Variants in FANCD2 observed in about 807,000 individuals in gnomAD.
The protein encoded by FANCD2 is FA complementation group D2, also known as Fanconi anemia group D2 protein.
In FANCD2, 131 loss-of-function variants were observed where a neutral mutation model predicts 192.3. The ratio of observed to expected loss-of-function variants is 0.68; its 90% CI spans 0.59 to 0.79. The LOEUF (loss-of-function observed/expected upper bound fraction) is 0.79, where lower values mean the gene tolerates loss of function less well. Ranked by LOEUF, FANCD2 falls within the 30% of genes least tolerant of loss-of-function variation. The probability of loss-of-function intolerance (pLI) is 0.00; values close to 1 mark genes in which losing one functional copy is unlikely to be tolerated. For missense variants in FANCD2, 1,508 were observed against 1,701.6 expected (o/e 0.89, Z 2.00); for synonymous variants, 524 against 612.5 (o/e 0.86, Z 2.13).
intron 19 of FANCD2, among the ~76,000 whole-genome samples, chr3:10,061,902 T>C (rs1189770238): frequency 7.2e-6 from 1 of 138,968 alleles, no homozygotes; most frequent in South Asian, 2.2e-4. Flanking sequence ...TTCTCACTCA[T>C]AGGTGGTAAT....
chr3:10,096,872 AC>A (rs1694997597), intron 42 of FANCD2, among the ~76,000 whole-genome samples: 1 of 152,184 alleles, frequency 6.6e-6, no homozygotes, highest in Non-Finnish European at 1.5e-5. Context: ...TCCAGAAATT[AC>A]AAATTAATCT....
intron 42 of FANCD2, among the ~76,000 whole-genome samples, chr3:10,097,375 C>A (rs530863190): frequency 6.6e-6 from 1 of 152,138 alleles, no homozygotes; most frequent in South Asian, 2.1e-4. Context: ...TCTGCAGTCT[C>A]GACCATAAGA....
In FANCD2 at chr3:10,042,712, A is replaced by G. The variant is rs55921165; in HGVS notation, c.888+49A>G. The G allele has an allele frequency of 1.8e-3, 2,517 of 1,412,006 alleles. 40 individuals carry two copies. In the African/African-American group the frequency reaches 0.03, roughly 17 times the overall value. 87.5% of individuals were successfully genotyped at this position (1,412,006 alleles called of 1,614,324 possible). The stretch of plus-strand genomic sequence containing the variant: ...CCTAGATAAAGCAACTTAAGTGCCA[A>G]TTGCTCTTCTCTGTCCCCAGACTAA... On this transcript the variant is annotated intron_variant, in intron 11 of 43. Coordinates refer to ENST00000675286, the MANE Select transcript of FANCD2 (RefSeq NM_001018115.3).
rs121917786 is a variant in FANCD2, at chr3:10,090,315, G to A, written c.3707G>A (p.Arg1236His). 1.9e-5 allele frequency: 30 copies of A among 1,613,394 alleles called. No homozygotes were observed. Among genetic ancestry groups the A allele is most frequent in the Non-Finnish European group, 2.3e-5 (27 of 1,179,802 alleles). Reference sequence around the variant, plus strand: ...AGGCATACTTTTGTTGTTTTCTTCCGTGTGATGATGGCTGAACTAGAGAAG... The same window carrying A: ...AGGCATACTTTTGTTGTTTTCTTCCATGTGATGATGGCTGAACTAGAGAAG... Reference protein sequence around the residue: ...LTRHTFVVFFRVMMAELEKTV... With the variant: ...LTRHTFVVFFHVMMAELEKTV... The change falls in exon 37 of 44, where the codon CGT becomes CAT. Residue 1236 changes from arginine (R) to histidine (H), a missense_variant. Transcript: ENST00000675286.
intron 38 of FANCD2, 77 bp downstream of exon 38, chr3:10,092,329 T>C (rs910535022): frequency 9.3e-7 from 1 of 1,080,594 alleles, no homozygotes; most frequent in Non-Finnish European, 1.4e-6. Context: ...AAATGGACTT[T>C]CCTTGCTCCT....
Position 10,036,683 on chromosome 3 carries a change from A to AT in FANCD2, c.491+360dup, listed in dbSNP as rs113017725. Reference sequence around the variant, plus strand: ...GACCTTGTCTGTATTTCAAAACAGAATTTTTTTTTTTTTTTTAAGTATCTG... The same window carrying AT: ...GACCTTGTCTGTATTTCAAAACAGAATTTTTTTTTTTTTTTTTAAGTATCTG... On this transcript the variant is annotated intron_variant, in intron 7 of 43. Transcript: ENST00000675286. 8.3e-3 allele frequency among the ~76,000 whole-genome samples: 1,196 copies of AT among 144,300 alleles called. 44 individuals are homozygous for AT. In the East Asian group the frequency reaches 0.13, roughly 15 times the overall value. The allele number at this position is 144,300 out of a possible 152,430, so 94.7% of individuals were successfully genotyped here.
At chr3:10,055,577 C>T (rs2087384186) in intron 18 of FANCD2, among the ~76,000 whole-genome samples, 1 of 152,136 alleles carries the variant, frequency 6.6e-6, no homozygotes, top group Non-Finnish European at 1.5e-5. Flanking sequence ...CTTTGGGAGG[C>T]TGAGGCGGGC....
At chr3:10,060,900 T>G (rs764709877) in intron 19 of FANCD2, among the ~76,000 whole-genome samples, 1 of 152,206 alleles carries the variant, frequency 6.6e-6, no homozygotes, top group African/African-American at 2.4e-5. Context: ...CAAACCGACA[T>G]TGGATTTCAG....
chr3:10,047,233 T>TA (rs1232614538), intron 15 of FANCD2, among the ~76,000 whole-genome samples: 1 of 24,514 alleles, frequency 4.1e-5, no homozygotes, highest in Non-Finnish European at 8.6e-5. Flanking sequence ...GATTTAACGG[T>TA]TGTATTATTT....
chr3:10,080,999 C>T (rs914156324), intron 30 of FANCD2, 101 bp from the exon 31 acceptor site: 1 of 1,305,598 alleles, frequency 7.7e-7, no homozygotes, highest in South Asian at 1.2e-5. Context: ...CCCATCTGCT[C>T]CTACCTGGTG....
intron 34 of FANCD2, among the ~76,000 whole-genome samples, chr3:10,087,672 G>A (rs909193005): frequency 1.3e-5 from 2 of 151,594 alleles, no homozygotes; most frequent in African/African-American, 4.8e-5. Flanking sequence ...TTTTGAGACA[G>A]AGTCTCGTTC....
At position 10,087,169 on chromosome 3, in the gene FANCD2, G is replaced by C. The variant is rs960135908; in HGVS notation, c.3371G>C (p.Ser1124Thr). 2 of 1,613,710 alleles carry C rather than the reference G, an allele frequency of 1.2e-6. No individual in the cohort carries two copies. Among genetic ancestry groups the C allele is most frequent in the Non-Finnish European group, 1.7e-6 (2 of 1,179,892 alleles). Residue 1124 changes from serine to threonine, a missense_variant, in exon 34 of 44, where the codon AGC becomes ACC. By Grantham distance (58) the Ser-to-Thr change is moderately conservative. Around this residue, in one of 5 missense-constraint regions of FANCD2, gnomAD observed 796 missense variants for 879.4 expected, o/e 0.91. Transcript: ENST00000675286. ...SVHYLQNFHQSIPSFQCALYL... is the reference protein window; with the variant it reads ...SVHYLQNFHQTIPSFQCALYL... ...CATTACTTGCAGAATTTCCATCAAA[G>C]CATTCCCAGTTTCCAGTGTGCTCTT... is the stretch of plus-strand genomic sequence containing the variant.
chr3:10,075,844 C>T (rs917686733), intron 29 of FANCD2, among the ~76,000 whole-genome samples: 3 of 148,616 alleles, frequency 2.0e-5, no homozygotes, highest in Non-Finnish European at 4.4e-5. Flanking sequence ...CATTATCCTG[C>T]CTCAGCCTCC....
chr3:10,094,228 C>T, intron 39 of FANCD2, 61 bp from the exon 40 acceptor site: 1 of 1,259,974 alleles, frequency 7.9e-7, no homozygotes. Context: ...GACTATTCTG[C>T]CTCAGGGGCC....
At chr3:10,040,463 G>A in intron 9 of FANCD2, 1 of 455,414 alleles carries the variant, frequency 2.2e-6, no homozygotes, top group East Asian at 6.9e-5. Flanking sequence ...GTTCTTCAGG[G>A]GGTCCTTAAC....
intron 32 of FANCD2, among the ~76,000 whole-genome samples, chr3:10,085,379 T>G (rs1694120404): frequency 6.6e-6 from 1 of 150,982 alleles, no homozygotes; most frequent in African/African-American, 2.4e-5. Context: ...TTCAATTCTT[T>G]TTTCTTTTTT....
intron 18 of FANCD2, among the ~76,000 whole-genome samples, chr3:10,059,488 T>C (rs1403916986): frequency 6.6e-6 from 1 of 152,200 alleles, no homozygotes; most frequent in Non-Finnish European, 1.5e-5. Context: ...TTTTATAATG[T>C]ATCGCTAATC....
chr3:10,052,021 G>A (rs1324617393), intron 17 of FANCD2, among the ~76,000 whole-genome samples: 1 of 152,088 alleles, frequency 6.6e-6, no homozygotes, highest in African/African-American at 2.4e-5. Context: ...GAAAGGTGGA[G>A]GTAAAGAATA....
At chr3:10,063,658 C>T in intron 20 of FANCD2, 134 bp from the exon 21 acceptor site, 9 of 1,121,300 alleles carry the variant, frequency 8.0e-6, no homozygotes, top group Non-Finnish European at 1.2e-5. Flanking sequence ...TCAGAACATT[C>T]AGGAAAACTT....
Sources: gnomAD v4.1 joint callset for allele counts (sites outside exome capture counted in the v4.1 genomes callset) on GRCh38, gnomAD v4.1.1 for gene constraint, gnomAD v4.1.1 regional missense constraint, MANE v1.5 for transcripts, NCBI Gene and HGNC (gene_info 2026-07-23, HGNC 2026-07-21) for gene names.